The following CNGB3 variants were observed in gnomAD, a reference collection of about 807,000 sequenced individuals.
The protein encoded by CNGB3 is cyclic nucleotide-gated channel beta-3.
In CNGB3, 86 loss-of-function variants were observed where a neutral mutation model predicts 92.8. The ratio of observed to expected loss-of-function variants is 0.93; its 90% confidence interval spans 0.78 to 1.11. The LOEUF (loss-of-function observed/expected upper bound fraction) is 1.11, where lower values mean the gene tolerates loss of function less well. Among genes scored for constraint, CNGB3 ranks in the 50% least tolerant of loss-of-function variants. The pLI, the probability that CNGB3 is intolerant of heterozygous loss-of-function variation, is 0.00. For missense variants in CNGB3, 1,026 were observed against 956.8 expected, an observed-to-expected ratio of 1.07 and a Z score of -0.95; for synonymous variants, 333 against 332.7, an observed-to-expected ratio of 1.00 and a Z score of -0.01.
chr8:86,718,956 A>T (rs151287443), intron 3 of CNGB3, among the ~76,000 whole-genome samples: 1 of 152,210 alleles, frequency 6.6e-6, no homozygotes, highest in East Asian at 1.9e-4. Flanking sequence ...AAACCATTTG[A>T]CAAAAATCCA....
chr8:86,595,988 T>A (rs76273005), intron 15 of CNGB3, among the ~76,000 whole-genome samples: 3,179 of 152,208 alleles, frequency 0.021, 118 homozygotes, highest in African/African-American at 0.071. Context: ...CAACCAGATA[T>A]CTAAAACATA....
chr8:86,589,554 G>A (rs1585951688), intron 15 of CNGB3, among the ~76,000 whole-genome samples: 1 of 152,144 alleles, frequency 6.6e-6, no homozygotes, highest in African/African-American at 2.4e-5. Context: ...GTTCTCGTTG[G>A]TTTCAAAGAA....
intron 10 of CNGB3, among the ~76,000 whole-genome samples, chr8:86,634,796 G>T (rs570553240): frequency 6.6e-6 from 1 of 151,494 alleles, no homozygotes; most frequent in South Asian, 2.1e-4. Flanking sequence ...AACAAGGGTG[G>T]TCTTTTCTTG....
chr8:86,619,188 T>C (rs189300995), intron 13 of CNGB3, among the ~76,000 whole-genome samples: 36 of 152,336 alleles, frequency 2.4e-4, no homozygotes, highest in Admixed American at 1.7e-3. Context: ...CGCCACTAGG[T>C]GGCGCAACAG....
intron 3 of CNGB3, among the ~76,000 whole-genome samples, chr8:86,709,495 A>G (rs1824711036): frequency 6.6e-6 from 1 of 152,226 alleles, no homozygotes; most frequent in Non-Finnish European, 1.5e-5. Flanking sequence ...AACAGCTGCA[A>G]TGAAATGAAT....
At chr8:86,723,515 G>A (rs1054523801) in intron 3 of CNGB3, among the ~76,000 whole-genome samples, 1 of 152,046 alleles carries the variant, frequency 6.6e-6, no homozygotes, top group African/African-American at 2.4e-5. Context: ...TTTTATCATT[G>A]ATATTTTCTT....
chr8:86,579,557 C>T (rs1821722509), intron 15 of CNGB3, among the ~76,000 whole-genome samples: 1 of 152,052 alleles, frequency 6.6e-6, no homozygotes, highest in Non-Finnish European at 1.5e-5. Context: ...ACTGGGTATC[C>T]CTCATTTGCT....
intron 3 of CNGB3, among the ~76,000 whole-genome samples, chr8:86,719,719 A>C (rs1824929685): frequency 6.6e-6 from 1 of 152,224 alleles, no homozygotes; most frequent in Non-Finnish European, 1.5e-5. Flanking sequence ...ACAAATCTGG[A>C]GGCATCACAT....
At chr8:86,626,711 A>G (rs184474185) in intron 12 of CNGB3, among the ~76,000 whole-genome samples, 1 of 152,298 alleles carries the variant, frequency 6.6e-6, no homozygotes, top group East Asian at 1.9e-4. Flanking sequence ...AGTAAATTCA[A>G]ATTATTGTTA....
chr8:86,655,592 C>G (rs934672735), intron 6 of CNGB3, among the ~76,000 whole-genome samples: 1 of 152,122 alleles, frequency 6.6e-6, no homozygotes, highest in African/African-American at 2.4e-5. Context: ...TTTCTCTGAG[C>G]CTTATAGCAC....
At chr8:86,607,291 C>T (rs1822428971) in intron 14 of CNGB3, among the ~76,000 whole-genome samples, 1 of 152,166 alleles carries the variant, frequency 6.6e-6, no homozygotes, top group South Asian at 2.1e-4. Context: ...AGACATTCCT[C>T]AGAGAATAAG....
chr8:86,738,151 T>C (rs1329734949), intron 2 of CNGB3, among the ~76,000 whole-genome samples: 1 of 152,174 alleles, frequency 6.6e-6, no homozygotes, highest in African/African-American at 2.4e-5. Context: ...ATAATTTTAT[T>C]TTTATTATTT....
At chr8:86,602,567 G>A (rs1822327972) in intron 15 of CNGB3, among the ~76,000 whole-genome samples, 1 of 152,152 alleles carries the variant, frequency 6.6e-6, no homozygotes, top group Admixed American at 6.5e-5. Context: ...TAGCAATGGT[G>A]TCCTGGGAAA....
At chr8:86,691,315 G>A (rs1327164802) in intron 3 of CNGB3, among the ~76,000 whole-genome samples, 1 of 152,098 alleles carries the variant, frequency 6.6e-6, no homozygotes, top group African/African-American at 2.4e-5. Context: ...CATATCATTG[G>A]TAAACAGCAA....
chr8:86,673,570 G>A lies in CNGB3; in HGVS notation c.339-2472C>T, dbSNP rs578074709. On this transcript the variant is annotated intron_variant, in intron 3 of 17. Coordinates refer to ENST00000320005, the MANE Select transcript of CNGB3 (RefSeq NM_019098.5). ...AGTGGGCAAAGAGAGCCAATGCAGG[G>A]TATTAAGCAGACGAAAGGCCTGAGC... is the stretch of plus-strand genomic sequence containing the variant. Among the ~76,000 whole-genome samples the A allele has an allele frequency of 5.3e-5, 8 of 152,282 alleles. No homozygotes were observed. The South Asian group carries it at 1.7e-3, about 32-fold the overall frequency.
intron 3 of CNGB3, among the ~76,000 whole-genome samples, chr8:86,677,611 G>A (rs1395598237): frequency 6.6e-6 from 1 of 152,044 alleles, no homozygotes; most frequent in Non-Finnish European, 1.5e-5. Context: ...TGACATTTAC[G>A]GCATAGCATA....
intron 3 of CNGB3, among the ~76,000 whole-genome samples, chr8:86,700,993 C>T (rs1386855775): frequency 1.3e-5 from 2 of 152,176 alleles, no homozygotes; most frequent in African/African-American, 4.8e-5. Flanking sequence ...GGATAATTAT[C>T]ATGGTCCATA....
At chr8:86,584,379 T>C (rs1821852661) in intron 15 of CNGB3, among the ~76,000 whole-genome samples, 1 of 152,214 alleles carries the variant, frequency 6.6e-6, no homozygotes, top group South Asian at 2.1e-4. Context: ...TCTGTATATG[T>C]ATGTTAGACT....
intron 15 of CNGB3, among the ~76,000 whole-genome samples, chr8:86,585,333 A>G (rs773648637): frequency 4.0e-5 from 6 of 151,628 alleles, no homozygotes; most frequent in Non-Finnish European, 7.3e-5. Flanking sequence ...ATATATTTAT[A>G]TATTTTTTCA....
Sources: allele counts gnomAD v4.1 joint callset (sites outside exome capture counted in the v4.1 genomes callset), GRCh38; gene constraint gnomAD v4.1.1; transcripts MANE v1.5; gene names NCBI Gene and HGNC (gene_info 2026-07-23, HGNC 2026-07-21).